The following FRY variants were observed in gnomAD, a reference collection of about 807,000 sequenced individuals.
The protein encoded by FRY is protein furry homolog.
In FRY, 128 loss-of-function variants were observed where a neutral mutation model predicts 348.4. The ratio of observed to expected loss-of-function variants is 0.37; its 90% confidence interval spans 0.32 to 0.43. The LOEUF is 0.43. FRY is among the 20% of genes least tolerant of loss of function. The probability of loss-of-function intolerance (pLI) is 1.00; values close to 1 mark genes in which losing one functional copy is unlikely to be tolerated. For synonymous variants in FRY, 1,370 were observed against 1,374.7 expected, an observed-to-expected ratio of 1.00 and a Z score of 0.08; for missense variants, 2,736 against 3,695.2, an observed-to-expected ratio of 0.74 and a Z score of 6.73.
chr13:32,105,454 C>T (rs1877474358), intron 3 of FRY, among the ~76,000 whole-genome samples: 1 of 152,226 alleles, frequency 6.6e-6, no homozygotes, highest in South Asian at 2.1e-4. Context: ...AAACAGTGCT[C>T]ATCTGCTGTT....
intron 58 of FRY, among the ~76,000 whole-genome samples, chr13:32,288,545 T>C (rs1889184014): frequency 6.6e-6 from 1 of 152,236 alleles, no homozygotes; most frequent in East Asian, 1.9e-4. Flanking sequence ...TAGAATATTC[T>C]TCCTAAAACC....
chr13:32,063,205 C>A lies in FRY; in HGVS notation c.71-15629C>A, dbSNP rs1460708104. Among the ~76,000 whole-genome samples, 4 of 152,288 alleles carry A rather than the reference C, an allele frequency of 2.6e-5. No individual in the cohort carries two copies. The East Asian group carries it at 7.7e-4, about 29-fold the overall frequency. ...CTGGCACTGTCTTTGGCAGACCCCC[C>A]ACCACGTCCAGTTTGCATAGTCTTC... On this transcript the variant is annotated intron_variant, in intron 1 of 60. Coordinates refer to ENST00000542859, the MANE Select transcript of FRY (RefSeq NM_023037.3).
At position 32,173,540 on chromosome 13, in the gene FRY, G is replaced by A. The variant is rs1284513530; in HGVS notation, c.2325G>A (p.Gly775=). 1.2e-6 allele frequency: 2 copies of A among 1,612,426 alleles called. No individual in the cohort carries two copies. Among genetic ancestry groups the A allele is most frequent in the Non-Finnish European group, 1.7e-6 (2 of 1,178,838 alleles). ...TTCGAGCGTTGTTTATTGCCCTGGG[G>A]CAGCCTGAGGTATGGATTAGTCTTC... ...KEIRALFIAL[G]QPEDDDRPMI... Residue 775 remains glycine, a synonymous_variant, in exon 19 of 61, where the codon GGG becomes GGA. Transcript: ENST00000542859.
rs187190974 is a variant in FRY, at chr13:32,065,602, G to A, written c.71-13232G>A. ...ATTACAAGCATGAGCCACAGCGCCC[G>A]ACCAAAAAAATTTTTTTAGAGAGAG... On this transcript the variant is annotated intron_variant, in intron 1 of 60. Coordinates refer to ENST00000542859, the MANE Select transcript of FRY (RefSeq NM_023037.3). 2.6e-3 allele frequency among the ~76,000 whole-genome samples: 392 copies of A among 148,642 alleles called. 1 individual carries two copies. The highest frequency in any genetic ancestry group is 9.0e-3 in the African/African-American group (364 of 40,258).
chr13:32,067,830 C>T (rs777540720), intron 1 of FRY, among the ~76,000 whole-genome samples: 3 of 152,160 alleles, frequency 2.0e-5, no homozygotes, highest in Non-Finnish European at 1.5e-5. Context: ...ATTTTACCTA[C>T]AAAATGTTAA....
intron 1 of FRY, among the ~76,000 whole-genome samples, chr13:32,056,075 C>A (rs148193213): frequency 0.037 from 5,545 of 151,634 alleles, 347 homozygotes; most frequent in African/African-American, 0.13. Flanking sequence ...CCTGTAGTCC[C>A]AACTACTTGG....
intron 58 of FRY, among the ~76,000 whole-genome samples, chr13:32,285,319 C>G (rs1207137443): frequency 6.6e-6 from 1 of 152,102 alleles, no homozygotes; most frequent in Non-Finnish European, 1.5e-5. Context: ...CTTTTTGGAA[C>G]TCTAAATGCA....
At chr13:32,036,424 C>T (rs1248237085) in intron 1 of FRY, among the ~76,000 whole-genome samples, 1 of 151,928 alleles carries the variant, frequency 6.6e-6, no homozygotes, top group African/African-American at 2.4e-5. Flanking sequence ...TCCATGTTCT[C>T]AAAATAGAAA....
At chr13:32,226,101 C>T (rs1249578634) in intron 39 of FRY, 127 bp downstream of exon 39, 1 of 751,144 alleles carries the variant, frequency 1.3e-6, no homozygotes, top group East Asian at 2.7e-5. Flanking sequence ...CGTGGTAAAT[C>T]AACAGTACAA....
Position 32,062,496 on chromosome 13 carries a change from C to T in FRY, c.71-16338C>T, listed in dbSNP as rs182647524. Among the ~76,000 whole-genome samples, 4 of 152,224 alleles carry T rather than the reference C, an allele frequency of 2.6e-5. No homozygotes were observed. The East Asian group carries it at 7.7e-4, about 29-fold the overall frequency. ...GTATTAAACTTTACTATAAAGGCAT[C>T]AGAAACAACTAATCTGCTTCTGTGA... On this transcript the variant is annotated intron_variant, in intron 1 of 60. Transcript: ENST00000542859.
intron 7 of FRY, among the ~76,000 whole-genome samples, chr13:32,130,183 C>T (rs984842600): frequency 6.6e-6 from 1 of 151,588 alleles, no homozygotes; most frequent in Admixed American, 6.6e-5. Flanking sequence ...GCCTCAGCCT[C>T]ACGCACACCA....
Position 32,056,308 on chromosome 13 carries a change from C to T in FRY, c.71-22526C>T, listed in dbSNP as rs190990620. On this transcript the variant is annotated intron_variant, in intron 1 of 60. Coordinates refer to ENST00000542859, the MANE Select transcript of FRY (RefSeq NM_023037.3). ...GTCTGTGCCCAATAAGTATCATACACCTGGTTAGTAGAATGCTGCTTCACC... is the reference window on the plus strand; with the variant it reads ...GTCTGTGCCCAATAAGTATCATACATCTGGTTAGTAGAATGCTGCTTCACC... 6.1e-3 allele frequency among the ~76,000 whole-genome samples: 925 copies of T among 152,142 alleles called. 4 individuals carry two copies. Among genetic ancestry groups the T allele is most frequent in the Non-Finnish European group, 8.6e-3 (585 of 67,998 alleles).
intron 1 of FRY, among the ~76,000 whole-genome samples, chr13:32,073,521 T>C (rs1007090999): frequency 6.6e-6 from 1 of 152,012 alleles, no homozygotes; most frequent in African/African-American, 2.4e-5. Flanking sequence ...TCTGACAGTG[T>C]GGTATTTGTG....
intron 43 of FRY, among the ~76,000 whole-genome samples, chr13:32,236,797 A>G (rs1173417896): frequency 6.6e-6 from 1 of 152,154 alleles, no homozygotes; most frequent in Non-Finnish European, 1.5e-5. Context: ...TTTTTTATGG[A>G]TAATTTTGGT....
chr13:32,095,414 C>G (rs372446389), intron 2 of FRY, among the ~76,000 whole-genome samples: 331 of 120,940 alleles, frequency 2.7e-3, no homozygotes, highest in African/African-American at 9.9e-3. Context: ...GTGGCGCAGT[C>G]TTGGCTCACT....
In FRY at chr13:32,289,659, T is replaced by C; in HGVS notation, c.8496T>C (p.Tyr2832=). The change falls in exon 59 of 61, where the codon TAT becomes TAC. Residue 2832 remains tyrosine (Y), a synonymous_variant. Coordinates refer to ENST00000542859, the MANE Select transcript of FRY (RefSeq NM_023037.3). ...AATTGGAACTGTGTCAGAGATTATATAAGCTACACTTCCAGCTGCTATTGC... is the reference window on the plus strand; with the variant it reads ...AATTGGAACTGTGTCAGAGATTATACAAGCTACACTTCCAGCTGCTATTGC... ...EKQLELCQRL[Y]KLHFQLLLLF... 6 of 1,608,582 alleles carry C rather than the reference T, an allele frequency of 3.7e-6. 1 individual carries two copies. The South Asian group carries it at 6.6e-5, about 18-fold the overall frequency.
chr13:32,169,307 T>A (rs1250827874), intron 17 of FRY, among the ~76,000 whole-genome samples: 3 of 152,230 alleles, frequency 2.0e-5, no homozygotes, highest in Non-Finnish European at 4.4e-5. Flanking sequence ...TCTAATCATG[T>A]TTCTTTCCCT....
chr13:32,118,610 T>C (rs1878454804), intron 4 of FRY, among the ~76,000 whole-genome samples: 1 of 152,170 alleles, frequency 6.6e-6, no homozygotes, highest in African/African-American at 2.4e-5. Flanking sequence ...AATTTTTAGA[T>C]ATAACTCAGA....
intron 3 of FRY, among the ~76,000 whole-genome samples, chr13:32,112,565 T>G (rs1377364472): frequency 6.6e-6 from 1 of 152,208 alleles, no homozygotes; most frequent in Non-Finnish European, 1.5e-5. Context: ...AACATTAAGC[T>G]GTAACTATTT....
Sources: allele counts gnomAD v4.1 joint callset (sites outside exome capture counted in the v4.1 genomes callset), GRCh38; gene constraint gnomAD v4.1.1; transcripts MANE v1.5; gene names NCBI Gene and HGNC (gene_info 2026-07-23, HGNC 2026-07-21).